The following ANP32B variants were observed in gnomAD, a reference collection of about 807,000 sequenced individuals.
ANP32B encodes acidic nuclear phosphoprotein 32 family member B.
Under a neutral mutation model 32.2 loss-of-function variants are expected in ANP32B, and 6 were observed. The ratio of observed to expected loss-of-function variants is 0.19; its 90% CI spans 0.10 to 0.37. ANP32B has a LOEUF of 0.37. ANP32B is among the 10% of genes least tolerant of loss of function. The probability of loss-of-function intolerance (pLI) is 1.00; values close to 1 mark genes in which losing one functional copy is unlikely to be tolerated. For synonymous variants in ANP32B, 98 were observed against 105.8 expected (o/e 0.93, Z 0.45); for missense variants, 204 against 289.2 (o/e 0.71, Z 2.14).
intron 1 of ANP32B, among the ~76,000 whole-genome samples, chr9:97,991,957 G>A (rs983898614): frequency 6.6e-6 from 1 of 152,160 alleles, no homozygotes; most frequent in Admixed American, 6.5e-5. Flanking sequence ...ACAAACCTCT[G>A]TACAATATTG....
chr9:98,013,437 G>T (rs1175059335), intron 6 of ANP32B, among the ~76,000 whole-genome samples: 1 of 152,102 alleles, frequency 6.6e-6, no homozygotes, highest in Non-Finnish European at 1.5e-5. Context: ...TTTAATAATT[G>T]AACCATCATT....
intron 2 of ANP32B, among the ~76,000 whole-genome samples, chr9:97,997,389 C>T (rs541578245): frequency 6.6e-6 from 1 of 152,308 alleles, no homozygotes; most frequent in Non-Finnish European, 1.5e-5. Flanking sequence ...AAAAGTTACT[C>T]TACTCTGCAT....
chr9:98,005,241 A>C, intron 4 of ANP32B, 88 bp downstream of exon 4: 1 of 1,355,012 alleles, frequency 7.4e-7, no homozygotes, highest in Non-Finnish European at 1.0e-6. Context: ...GCGCAGTGGC[A>C]CACAACCGTA....
intron 1 of ANP32B, among the ~76,000 whole-genome samples, chr9:97,987,046 CAAG>C (rs967315973): frequency 1.3e-5 from 2 of 151,734 alleles, no homozygotes; most frequent in African/African-American, 2.4e-5. Context: ...CCAAGGAAGA[CAAG>C]AAGGTAAACA....
At chr9:97,983,635 C>G in intron 1 of ANP32B, 26 bp downstream of exon 1, 16 of 1,534,838 alleles carry the variant, frequency 1.0e-5, no homozygotes, top group Non-Finnish European at 1.4e-5. Flanking sequence ...TCTGGGTGCC[C>G]TCTCCCCCGA....
At chr9:98,008,969 A>G (rs1338720809) in intron 4 of ANP32B, among the ~76,000 whole-genome samples, 1 of 152,200 alleles carries the variant, frequency 6.6e-6, no homozygotes, top group Non-Finnish European at 1.5e-5. Flanking sequence ...GTCCTACTGC[A>G]CTACAGTCAT....
chr9:98,000,361 C>T (rs1007481781), intron 3 of ANP32B, among the ~76,000 whole-genome samples: 1 of 152,188 alleles, frequency 6.6e-6, no homozygotes, highest in Non-Finnish European at 1.5e-5. Flanking sequence ...CACCAGTGCT[C>T]CATGCATTTT....
chr9:97,983,368 C>T lies in ANP32B; in HGVS notation c.-188C>T. On this transcript the variant is annotated 5_prime_UTR_variant, in exon 1 of 7. Coordinates refer to ENST00000339399, the MANE Select transcript of ANP32B (RefSeq NM_006401.3). ...TTTCCCTCCATGGTTTCTCTCCGCT[C>T]CCGTGAGTAACTTGGCTCCGGGGGC... The T allele has an allele frequency of 1.8e-6, 1 of 555,540 alleles. No individual in the cohort carries two copies. The highest frequency in any genetic ancestry group is 3.2e-6 in the Non-Finnish European group (1 of 311,690). The allele number at this position is 555,540 out of a possible 1,614,324, so 34.4% of individuals were successfully genotyped here. A position where few individuals can be genotyped will look rare whatever the true frequency, so the allele number is the denominator to read the frequency against.
intron 2 of ANP32B, among the ~76,000 whole-genome samples, chr9:97,996,985 C>T (rs762705750): frequency 6.6e-6 from 1 of 152,282 alleles, no homozygotes; most frequent in South Asian, 2.1e-4. Flanking sequence ...ACATCTATTT[C>T]ATTTCAAAAT....
intron 2 of ANP32B, among the ~76,000 whole-genome samples, chr9:97,996,256 C>T (rs550571409): frequency 6.6e-6 from 1 of 152,278 alleles, no homozygotes; most frequent in South Asian, 2.1e-4. Context: ...GTTTTCCTAG[C>T]ATTCTGATTT....
intron 4 of ANP32B, among the ~76,000 whole-genome samples, chr9:98,006,880 C>T (rs1447028330): frequency 6.6e-6 from 1 of 151,866 alleles, no homozygotes; most frequent in Non-Finnish European, 1.5e-5. Flanking sequence ...CCCAGCTTCT[C>T]GGGAGGCTGA....
chr9:97,983,912 G>A (rs1180210008), intron 1 of ANP32B, among the ~76,000 whole-genome samples: 1 of 152,002 alleles, frequency 6.6e-6, no homozygotes, highest in Non-Finnish European at 1.5e-5. Flanking sequence ...GGCCGGCGGC[G>A]AGAGAGGGAG....
At chr9:97,985,098 G>C (rs1827692918) in intron 1 of ANP32B, among the ~76,000 whole-genome samples, 3 of 150,274 alleles carry the variant, frequency 2.0e-5, no homozygotes, top group Non-Finnish European at 4.4e-5. Context: ...GCGCGGGCCA[G>C]TTAGCGCCGC....
rs1233038647 is a variant in ANP32B, at chr9:98,012,998, G to A, written c.688+526G>A. ...ACCCGCCTCAGCCTCCCAAAGTGCC[G>A]GGATTACAGGCGTGAGCCACCACAC... On this transcript the variant is annotated intron_variant, in intron 6 of 6. Coordinates refer to ENST00000339399, the MANE Select transcript of ANP32B (RefSeq NM_006401.3). 3.9e-5 allele frequency among the ~76,000 whole-genome samples: 6 copies of A among 152,154 alleles called. No homozygotes were observed. The South Asian group carries it at 8.3e-4, about 21-fold the overall frequency.
chr9:97,991,150 C>G (rs979008733), intron 1 of ANP32B, among the ~76,000 whole-genome samples: 2 of 151,230 alleles, frequency 1.3e-5, no homozygotes. Context: ...AACTGGGTCT[C>G]TGTGGCCCAA....
At chr9:97,994,869 A>T (rs1827880465) in intron 2 of ANP32B, 89 bp downstream of exon 2, 1 of 1,329,492 alleles carries the variant, frequency 7.5e-7, no homozygotes, top group Non-Finnish European at 1.0e-6. Context: ...TTAGTGTAGC[A>T]GAAAGCACAT....
intron 6 of ANP32B, among the ~76,000 whole-genome samples, chr9:98,013,792 G>T (rs1471222703): frequency 4.6e-5 from 7 of 151,988 alleles, no homozygotes; most frequent in African/African-American, 1.7e-4. Flanking sequence ...AGGAGGCAGA[G>T]ATTCAGTGAG....
intron 5 of ANP32B, 52 bp downstream of exon 5, chr9:98,011,441 TG>T: frequency 6.5e-7 from 1 of 1,544,264 alleles, no homozygotes; most frequent in South Asian, 1.2e-5. Flanking sequence ...ACAACAAAAG[TG>T]GGGGTTTCAA....
chr9:98,008,062 A>G (rs1828117474), intron 4 of ANP32B, among the ~76,000 whole-genome samples: 1 of 152,042 alleles, frequency 6.6e-6, no homozygotes. Context: ...GCAGAGATAA[A>G]CGTGTACCAT....
Sources: gnomAD v4.1 joint callset for allele counts (sites outside exome capture counted in the v4.1 genomes callset) on GRCh38, gnomAD v4.1.1 for gene constraint, MANE v1.5 for transcripts, NCBI Gene and HGNC (gene_info 2026-07-23, HGNC 2026-07-21) for gene names.